Variants in SLC35A3 observed in about 807,000 individuals in gnomAD.
SLC35A3 encodes the protein UDP-N-acetylglucosamine transporter.
A neutral mutation model predicts 39.0 loss-of-function variants in SLC35A3; 26 were observed. The observed-to-expected ratio is 0.67, with a 90% CI of 0.49 to 0.92. The LOEUF (loss-of-function observed/expected upper bound fraction) is 0.92. Among genes scored for constraint, SLC35A3 ranks in the 40% least tolerant of loss-of-function variants. The pLI is 0.00. For missense variants in SLC35A3, 299 were observed against 371.6 expected, an observed-to-expected ratio of 0.80 and a Z score of 1.61; for synonymous variants, 135 against 133.1, an observed-to-expected ratio of 1.01 and a Z score of -0.10.
rs1660945174 is a variant in SLC35A3 at position 100,026,946 on chromosome 1, A to C, written c.*4470A>C. 2.7e-6 allele frequency: 1 copy of C among 373,794 alleles called. No homozygotes were observed. Among genetic ancestry groups the C allele is most frequent in the Admixed American group, 4.5e-5 (1 of 21,992 alleles). The allele number at this position is 373,794 out of a possible 1,614,324, so 23.2% of individuals were successfully genotyped here. ...TATTACCTATTTAATAGATTTATTG[A>C]AATAGATTATTTTCATAAAGAACTC... is the stretch of plus-strand genomic sequence containing the variant. On this transcript the variant is annotated 3_prime_UTR_variant, in exon 8 of 8. Coordinates refer to ENST00000533028, the MANE Select transcript of SLC35A3 (RefSeq NM_012243.3).
chr1:99,995,364 G>GTC (rs1658346290), intron 2 of SLC35A3, among the ~76,000 whole-genome samples: 1 of 151,914 alleles, frequency 6.6e-6, no homozygotes, highest in Non-Finnish European at 1.5e-5. Context: ...GGTTGGCCAG[G>GTC]CTGGTCTTGA....
At chr1:99,991,110 C>T (rs1343552684) in intron 1 of SLC35A3, among the ~76,000 whole-genome samples, 1 of 152,158 alleles carries the variant, frequency 6.6e-6, no homozygotes, top group Admixed American at 6.6e-5. Flanking sequence ...TATTCTGTTC[C>T]ATTGATCTAT....
chr1:100,015,570 A>G (rs1660041501), intron 6 of SLC35A3, 150 bp downstream of exon 6: 3 of 814,040 alleles, frequency 3.7e-6, no homozygotes, highest in Non-Finnish European at 5.1e-6. Context: ...TGAAAATAGA[A>G]GTGATCTTAA....
intron 1 of SLC35A3, among the ~76,000 whole-genome samples, chr1:99,988,729 T>A (rs1657899520): frequency 7.2e-6 from 1 of 138,444 alleles, no homozygotes; most frequent in South Asian, 2.6e-4. Context: ...TCCTCTCCCC[T>A]CCCCTTCCCC....
intron 3 of SLC35A3, among the ~76,000 whole-genome samples, chr1:100,000,088 A>G (rs1470120708): frequency 6.6e-6 from 1 of 152,170 alleles, no homozygotes; most frequent in African/African-American, 2.4e-5. Context: ...TCCTTTGGAT[A>G]AATACCCAGT....
In SLC35A3 at chr1:100,012,040, C is replaced by T. The variant is rs182296114; in HGVS notation, c.634+507C>T. ...CCAAACATTTTATTTTAAATGAACG[C>T]CTTTTATTTAAGAATATGAAAAACT... On this transcript the variant is annotated intron_variant, in intron 5 of 7. Coordinates refer to ENST00000533028, the MANE Select transcript of SLC35A3 (RefSeq NM_012243.3). Among the ~76,000 whole-genome samples the T allele has an allele frequency of 5.7e-3, 861 of 152,032 alleles. 9 individuals carry two copies. The highest frequency in any genetic ancestry group is 0.02 in the African/African-American group (829 of 41,452).
chr1:100,001,376 T>C (rs1347119100), intron 3 of SLC35A3, among the ~76,000 whole-genome samples: 1 of 152,156 alleles, frequency 6.6e-6, no homozygotes, highest in Non-Finnish European at 1.5e-5. Flanking sequence ...CTGTTCCATT[T>C]CTTTCATCCG....
rs1661448921 is a variant in SLC35A3 at position 100,035,464 on chromosome 1, A to T, written c.*12988A>T. The T allele has an allele frequency of 6.6e-6, 1 of 152,190 alleles. No individual in the cohort carries two copies. The highest frequency in any genetic ancestry group is 1.5e-5 in the Non-Finnish European group (1 of 68,034). 9.4% of individuals were successfully genotyped at this position (152,190 alleles called of 1,614,324 possible). The stretch of plus-strand genomic sequence containing the variant: ...AAAGCCTGGGACATTCTGGACATTT[A>T]GTATGTGTTAAATTTCTCTTACTAC... On this transcript the variant is annotated 3_prime_UTR_variant, in exon 8 of 8. Coordinates refer to ENST00000533028, the MANE Select transcript of SLC35A3 (RefSeq NM_012243.3).
At chr1:100,022,259 T>G (rs1299151237) in intron 7 of SLC35A3, 127 bp from the exon 8 acceptor site, 1 of 562,852 alleles carries the variant, frequency 1.8e-6, no homozygotes, top group Non-Finnish European at 3.1e-6. Context: ...GTACTCAAGA[T>G]TTGTTAGCCG....
intron 5 of SLC35A3, among the ~76,000 whole-genome samples, chr1:100,014,888 G>A (rs923423631): frequency 6.6e-6 from 1 of 152,104 alleles, no homozygotes. Context: ...GGCTGGGCAC[G>A]TAACTCACAC....
At chr1:99,993,383 C>T (rs1658198724) in intron 1 of SLC35A3, among the ~76,000 whole-genome samples, 154 bp from the exon 2 acceptor site, 1 of 150,906 alleles carries the variant, frequency 6.6e-6, no homozygotes, top group African/African-American at 2.4e-5. Context: ...CATCTTGAGT[C>T]TCTTGGTTTC....
At chr1:99,978,823 T>C (rs1413739162) in intron 1 of SLC35A3, 1 of 152,250 alleles carries the variant, frequency 6.6e-6, no homozygotes, top group Admixed American at 6.5e-5. Context: ...AATTGTTCTA[T>C]GTACTCTTCG....
intron 5 of SLC35A3, among the ~76,000 whole-genome samples, chr1:100,013,634 T>C (rs140643619): frequency 2.0e-5 from 3 of 151,550 alleles, no homozygotes; most frequent in African/African-American, 7.3e-5. Context: ...CATATACATA[T>C]ATATATGTTA....
intron 3 of SLC35A3, among the ~76,000 whole-genome samples, chr1:100,003,980 C>G (rs1350460158): frequency 1.3e-5 from 2 of 152,140 alleles, no homozygotes; most frequent in Non-Finnish European, 2.9e-5. Context: ...ATCTCTCTAT[C>G]CCTTTACTTT....
At chr1:99,970,441 A>G in intron 1 of SLC35A3, 1 of 778,552 alleles carries the variant, frequency 1.3e-6, no homozygotes, top group Non-Finnish European at 2.1e-6. Context: ...GTGTCAAGCG[A>G]ATGAAGACGG....
In SLC35A3 at chr1:100,029,037, T is replaced by G. The variant is rs1464621486; in HGVS notation, c.*6561T>G. 1 of 152,210 alleles carries G rather than the reference T, an allele frequency of 6.6e-6. No individual in the cohort carries two copies. The highest frequency in any genetic ancestry group is 1.5e-5 in the Non-Finnish European group (1 of 68,050). The allele number at this position is 152,210 out of a possible 1,614,324, so 9.4% of individuals were successfully genotyped here. The stretch of plus-strand genomic sequence containing the variant: ...ATGTTTGACAGTACACACATAGTAT[T>G]GCCATTCAGGGAAGCTCACCTAAGC... On this transcript the variant is annotated 3_prime_UTR_variant, in exon 8 of 8. Coordinates refer to ENST00000533028, the MANE Select transcript of SLC35A3 (RefSeq NM_012243.3).
chr1:100,006,671 C>T (rs1258205452), intron 3 of SLC35A3, among the ~76,000 whole-genome samples: 1 of 152,214 alleles, frequency 6.6e-6, no homozygotes, highest in East Asian at 1.9e-4. Context: ...GGATGGTCTG[C>T]GCAGGTGCTG....
Position 100,024,693 on chromosome 1 carries a change from A to G in SLC35A3, c.*2217A>G. 1 of 380,600 alleles carries G rather than the reference A, an allele frequency of 2.6e-6. No individual in the cohort carries two copies. The highest frequency in any genetic ancestry group is 4.6e-6 in the Non-Finnish European group (1 of 218,920). 23.6% of individuals were successfully genotyped at this position (380,600 alleles called of 1,614,324 possible). A position where few individuals can be genotyped will look rare whatever the true frequency, so the allele number is the denominator to read the frequency against. ...GAGTGCTGTGGCGCGATCTCGGCTTACTGCAACCTCCCACTCCCTGGTTCA... is the reference window on the plus strand; with the variant it reads ...GAGTGCTGTGGCGCGATCTCGGCTTGCTGCAACCTCCCACTCCCTGGTTCA... On this transcript the variant is annotated 3_prime_UTR_variant, in exon 8 of 8. Coordinates refer to ENST00000533028, the MANE Select transcript of SLC35A3 (RefSeq NM_012243.3).
chr1:99,988,189 A>T (rs1263614629), intron 1 of SLC35A3, among the ~76,000 whole-genome samples: 2 of 152,154 alleles, frequency 1.3e-5, no homozygotes, highest in Non-Finnish European at 2.9e-5. Context: ...CCTCAACCCC[A>T]GCCCCTATCT....
Sources: gnomAD v4.1 joint callset for allele counts (sites outside exome capture counted in the v4.1 genomes callset) on GRCh38, gnomAD v4.1.1 for gene constraint, MANE v1.5 for transcripts, NCBI Gene and HGNC (gene_info 2026-07-23, HGNC 2026-07-21) for gene names.